PRR16: variants seen among roughly 807,000 people sequenced by gnomAD.
PRR16 encodes protein Largen.
A neutral mutation model predicts 18.2 loss-of-function variants in PRR16; 6 were observed. The observed-to-expected ratio is 0.33, with a 90% CI of 0.18 to 0.65. PRR16 has a LOEUF of 0.65. PRR16 is among the 30% of genes least tolerant of loss of function. The pLI, the probability that PRR16 is intolerant of heterozygous loss-of-function variation, is 0.74. For missense variants in PRR16, 412 were observed against 376.6 expected (o/e 1.09, Z -0.78); for synonymous variants, 151 against 147.8 (o/e 1.02, Z -0.16).
chr5:120,668,581 A>G (rs1391344081), intron 1 of PRR16, among the ~76,000 whole-genome samples: 1 of 152,148 alleles, frequency 6.6e-6, no homozygotes. Context: ...ATGATTTTGC[A>G]GCAGCTGGTA....
the PRR16 span, among the ~76,000 whole-genome samples, chr5:120,787,147 G>A: frequency 6.6e-6 from 1 of 151,984 alleles, no homozygotes; most frequent in Non-Finnish European, 1.5e-5. Context: ...ATGTGGAGTA[G>A]ACTTATTTAA....
chr5:120,664,622 AG>A (rs1462059973), intron 1 of PRR16, among the ~76,000 whole-genome samples: 3 of 151,842 alleles, frequency 2.0e-5, no homozygotes, highest in Non-Finnish European at 4.4e-5. Context: ...CCTACCCCAC[AG>A]CAGTCCCCAG....
Position 120,480,101 on chromosome 5 carries a change from A to C in PRR16, c.159+15456A>C, listed in dbSNP as rs7735420. Among the ~76,000 whole-genome samples the C allele has an allele frequency of 3.0e-3, 454 of 152,262 alleles. 1 individual carries two copies. The highest frequency in any genetic ancestry group is 0.01 in the African/African-American group (427 of 41,556). ...CAGGCTGCATTGTATGCCCTTGGGG[A>C]AACTAACATTTGTTAAAATACAGAA... On this transcript the variant is annotated intron_variant, in intron 1 of 1. Coordinates refer to ENST00000407149, the MANE Select transcript of PRR16 (RefSeq NM_001300783.2).
intron 1 of PRR16, among the ~76,000 whole-genome samples, chr5:120,487,859 C>T (rs1038345494): frequency 6.6e-6 from 1 of 151,468 alleles, no homozygotes; most frequent in South Asian, 2.1e-4. Flanking sequence ...TAGCATGAAG[C>T]GTTGTTGAAT....
chr5:120,707,228 C>G, the PRR16 span, among the ~76,000 whole-genome samples: 5 of 152,130 alleles, frequency 3.3e-5, no homozygotes, highest in Non-Finnish European at 5.9e-5. Flanking sequence ...TACTAAGAGC[C>G]TGAGGCTTGG....
In PRR16 at chr5:120,686,519, G is replaced by C. The variant is rs753898007; in HGVS notation, c.725G>C (p.Gly242Ala). 32 of 1,613,682 alleles carry C rather than the reference G, an allele frequency of 2.0e-5. No individual in the cohort carries two copies. The African/African-American group carries it at 4.1e-4, about 21-fold the overall frequency. ...CACAGTGAACCTGTCCACCCACCGG[G>C]AAAGATTCCTCACCAAGGCCCTCCC... ...HLHSEPVHPPGKIPHQGPPLP... is the reference protein window; with the variant it reads ...HLHSEPVHPPAKIPHQGPPLP... Residue 242 changes from glycine (G) to alanine (A), a missense_variant, in exon 2 of 2, where the codon GGA becomes GCA. By Grantham distance (60) the Gly-to-Ala change is moderately conservative. Coordinates refer to ENST00000407149, the MANE Select transcript of PRR16 (RefSeq NM_001300783.2).
chr5:120,770,756 G>A, the PRR16 span, among the ~76,000 whole-genome samples: 4 of 151,826 alleles, frequency 2.6e-5, no homozygotes, highest in Non-Finnish European at 4.4e-5. Context: ...AACTTTTATC[G>A]CACACACTGT....
At chr5:120,774,862 G>A in the PRR16 span, among the ~76,000 whole-genome samples, 2 of 152,060 alleles carry the variant, frequency 1.3e-5, no homozygotes, top group Admixed American at 1.3e-4. Context: ...ATTTATAAGA[G>A]AGCAGGTCTA....
chr5:120,535,995 A>T (rs1395535732), intron 1 of PRR16, among the ~76,000 whole-genome samples: 1 of 152,214 alleles, frequency 6.6e-6, no homozygotes, highest in Non-Finnish European at 1.5e-5. Flanking sequence ...CAATGGTATT[A>T]TGTAGTCTAT....
intron 1 of PRR16, among the ~76,000 whole-genome samples, chr5:120,657,817 C>T (rs1756035328): frequency 6.6e-6 from 1 of 151,920 alleles, no homozygotes; most frequent in Non-Finnish European, 1.5e-5. Context: ...CCACCTATTG[C>T]CTCCCACCTT....
chr5:120,779,556 G>A, the PRR16 span, among the ~76,000 whole-genome samples: 566 of 152,206 alleles, frequency 3.7e-3, 7 homozygotes, highest in Middle Eastern at 0.054. Flanking sequence ...TTCGCATTTC[G>A]TGTGCTTTTC....
At chr5:120,708,915 A>G in the PRR16 span, among the ~76,000 whole-genome samples, 1 of 151,306 alleles carries the variant, frequency 6.6e-6, no homozygotes, top group African/African-American at 2.4e-5. Flanking sequence ...TCTTTGCGGG[A>G]AATAATTTTA....
the PRR16 span, among the ~76,000 whole-genome samples, chr5:120,710,048 T>G: frequency 6.6e-6 from 1 of 152,214 alleles, no homozygotes; most frequent in Non-Finnish European, 1.5e-5. Context: ...GAGGCTTCTC[T>G]ATACTATTTT....
At chr5:120,740,600 A>G in the PRR16 span, among the ~76,000 whole-genome samples, 1 of 152,144 alleles carries the variant, frequency 6.6e-6, no homozygotes, top group Admixed American at 6.5e-5. Context: ...GACTATATCA[A>G]TACCATACTG....
the PRR16 span, among the ~76,000 whole-genome samples, chr5:120,725,130 G>T: frequency 6.6e-6 from 1 of 152,066 alleles, no homozygotes; most frequent in East Asian, 1.9e-4. Flanking sequence ...GTATAAAGGT[G>T]CTGAAGTGAG....
chr5:120,759,824 C>G, the PRR16 span, among the ~76,000 whole-genome samples: 1 of 151,858 alleles, frequency 6.6e-6, no homozygotes, highest in African/African-American at 2.4e-5. Flanking sequence ...GTCTTGAAGT[C>G]TAAAGACAAA....
chr5:120,627,524 C>A (rs1561581122), intron 1 of PRR16, among the ~76,000 whole-genome samples: 1 of 151,920 alleles, frequency 6.6e-6, no homozygotes, highest in African/African-American at 2.4e-5. Flanking sequence ...TACCAATAGA[C>A]AGATGGAGAA....
At chr5:120,611,473 TC>T in intron 1 of PRR16, among the ~76,000 whole-genome samples, 1 of 151,934 alleles carries the variant, frequency 6.6e-6, no homozygotes, top group South Asian at 2.1e-4. Flanking sequence ...GGGCCCTGGG[TC>T]CCCATGCTGT....
rs189766942 is a variant in PRR16 at position 120,639,170 on chromosome 5, C to T, written c.160-46784C>T. On this transcript the variant is annotated intron_variant, in intron 1 of 1. Transcript: ENST00000407149. Reference sequence around the variant, plus strand: ...CTTATGTATAATGATTACCTATTTACAGATATCAGATATTTGATGCTTATT... The same window carrying T: ...CTTATGTATAATGATTACCTATTTATAGATATCAGATATTTGATGCTTATT... Among the ~76,000 whole-genome samples the T allele has an allele frequency of 1.5e-4, 23 of 152,114 alleles. No individual in the cohort carries two copies. In the East Asian group the frequency reaches 4.1e-3, roughly 27 times the overall value.
Sources: allele counts gnomAD v4.1 joint callset (sites outside exome capture counted in the v4.1 genomes callset), GRCh38; gene constraint gnomAD v4.1.1; transcripts MANE v1.5; gene names NCBI Gene and HGNC (gene_info 2026-07-23, HGNC 2026-07-21).